Variants in PDE12 observed in about 807,000 individuals in gnomAD.
PDE12 encodes the protein phosphodiesterase 12.
PDE12 carries 26 observed loss-of-function variants against 45.4 expected under a neutral mutation model. That is an observed-to-expected ratio of 0.57 (90% CI 0.42 to 0.79). The LOEUF is 0.79. PDE12 is among the 30% of genes least tolerant of loss of function. The pLI is 0.00. For missense variants in PDE12, 668 were observed against 790.0 expected (o/e 0.85, Z 1.85); for synonymous variants, 283 against 323.9 (o/e 0.87, Z 1.36).
chr3:57,588,561 A>G, the PDE12 span, among the ~76,000 whole-genome samples: 1 of 150,004 alleles, frequency 6.7e-6, no homozygotes, highest in Non-Finnish European at 1.5e-5. Flanking sequence ...TACAAAAATT[A>G]GCCAGGTGTG....
In PDE12 at chr3:57,557,163, C is replaced by A. The variant is rs770467290; in HGVS notation, c.784C>A (p.Arg262=). The A allele has an allele frequency of 6.2e-7, 1 of 1,614,004 alleles. No individual in the cohort carries two copies. The highest frequency in any genetic ancestry group is 1.7e-5 in the Admixed American group (1 of 60,004). Residue 262 remains arginine, a synonymous_variant, in exon 1 of 3, where the codon CGG becomes AGG. Transcript: ENST00000311180. ...CGATGGGCAGCGCTTTGGGCACAGC[C>A]GGGAGTTGGAAAGTGTGTGTGTGGT... ...PGDGQRFGHS[R]ELESVCVVEA...
chr3:57,560,178 TTC>T lies in PDE12; in HGVS notation c.*178_*179del, dbSNP rs1297729050. On this transcript the variant is annotated 3_prime_UTR_variant, in exon 3 of 3. Transcript: ENST00000311180. The stretch of plus-strand genomic sequence containing the variant: ...ACTGTTGATGTTTGCATCATACATC[TTC>T]TCTTTCCTTGTTTTCCTCTACAATT... 28 of 1,328,320 alleles carry T rather than the reference TTC, an allele frequency of 2.1e-5. No individual in the cohort carries two copies. The African/African-American group carries it at 3.9e-4, about 18-fold the overall frequency. 82.3% of individuals were successfully genotyped at this position (1,328,320 alleles called of 1,614,324 possible). A position where few individuals can be genotyped will look rare whatever the true frequency, so the allele number is the denominator to read the frequency against.
chr3:57,571,079 G>A (rs960640183), downstream of PDE12, among the ~76,000 whole-genome samples: 1 of 151,780 alleles, frequency 6.6e-6, no homozygotes, highest in Non-Finnish European at 1.5e-5. Flanking sequence ...CTATTCTCAA[G>A]TGACCCTCCT....
At chr3:57,614,689 C>T in the PDE12 span, among the ~76,000 whole-genome samples, 4 of 150,962 alleles carry the variant, frequency 2.6e-5, no homozygotes, top group Middle Eastern at 3.4e-3. Flanking sequence ...GACTTACAGG[C>T]GCCTGCCAAC....
At chr3:57,606,463 T>C in the PDE12 span, among the ~76,000 whole-genome samples, 3 of 152,240 alleles carry the variant, frequency 2.0e-5, no homozygotes, top group East Asian at 5.8e-4. Flanking sequence ...AGTAAACCTA[T>C]ACTACCAGAA....
chr3:57,624,213 C>T, the PDE12 span, among the ~76,000 whole-genome samples: 8 of 151,262 alleles, frequency 5.3e-5, no homozygotes, highest in African/African-American at 7.3e-5. Flanking sequence ...TGCAGTGGGG[C>T]GATCTCGGCT....
At chr3:57,609,452 GT>G in the PDE12 span, among the ~76,000 whole-genome samples, 1 of 152,020 alleles carries the variant, frequency 6.6e-6, no homozygotes, top group African/African-American at 2.4e-5. Flanking sequence ...TCCAGGAGCT[GT>G]TTTTTTGAAA....
rs2069724320 is a variant in PDE12, at chr3:57,561,191, A to G, written c.*1187A>G. On this transcript the variant is annotated 3_prime_UTR_variant, in exon 3 of 3. Coordinates refer to ENST00000311180, the MANE Select transcript of PDE12 (RefSeq NM_177966.7). ...ATAAATGAACAGGGTATTTGACCAT[A>G]TGATATTAGAAAATACAGCACATTA... 1 of 983,976 alleles carries G rather than the reference A, an allele frequency of 1.0e-6. No individual in the cohort carries two copies. Among genetic ancestry groups the G allele is most frequent in the Admixed American group, 6.2e-5 (1 of 16,250 alleles). 61.0% of individuals were successfully genotyped at this position (983,976 alleles called of 1,614,324 possible). A position where few individuals can be genotyped will look rare whatever the true frequency, so the allele number is the denominator to read the frequency against.
chr3:57,583,857 AC>A, the PDE12 span: 1 of 1,383,658 alleles, frequency 7.2e-7, no homozygotes, highest in Admixed American at 1.9e-5. Flanking sequence ...AGAGCATGAA[AC>A]CCACAAAGAA....
the PDE12 span, among the ~76,000 whole-genome samples, chr3:57,640,643 A>G: frequency 1.3e-5 from 2 of 152,206 alleles, no homozygotes; most frequent in Non-Finnish European, 2.9e-5. Flanking sequence ...CAACTATTTC[A>G]GTGGAAAATT....
chr3:57,646,492 A>G, the PDE12 span: 2 of 1,543,992 alleles, frequency 1.3e-6, no homozygotes. Context: ...TCCTGTTTTT[A>G]AAATTCCTAC....
At chr3:57,656,137 G>C in the PDE12 span, among the ~76,000 whole-genome samples, 1 of 152,092 alleles carries the variant, frequency 6.6e-6, no homozygotes, top group Non-Finnish European at 1.5e-5. Context: ...CAAAGATCTA[G>C]AATAGTTCCA....
At chr3:57,580,438 G>A in the PDE12 span, among the ~76,000 whole-genome samples, 3 of 151,574 alleles carry the variant, frequency 2.0e-5, no homozygotes, top group Admixed American at 2.0e-4. Flanking sequence ...GTCTCCTTTT[G>A]TCCCCCAGGC....
rs763381104 is a variant in PDE12, at chr3:57,557,086, C to G, written c.707C>G (p.Thr236Ser). The change falls in exon 1 of 3, where the codon ACC becomes AGC. Residue 236 changes from threonine to serine, a missense_variant. Thr to Ser is a moderately conservative substitution (Grantham distance 58). Transcript: ENST00000311180. ...ACTGATGTGGAGGAGCGTGTCTACA[C>G]CCCGTCCAATGCCGACATCGGGCTA... The part of the protein sequence containing the change: ...TETDVEERVY[T>S]PSNADIGLRL... The G allele has an allele frequency of 6.2e-7, 1 of 1,613,942 alleles. No individual in the cohort carries two copies. The highest frequency in any genetic ancestry group is 8.5e-7 in the Non-Finnish European group (1 of 1,180,038).
chr3:57,590,430 G>A, the PDE12 span, among the ~76,000 whole-genome samples: 3 of 152,052 alleles, frequency 2.0e-5, no homozygotes, highest in African/African-American at 4.8e-5. Flanking sequence ...AGTCTGTAGT[G>A]AGCCGAGATT....
chr3:57,628,965 T>G, the PDE12 span: 1 of 1,267,502 alleles, frequency 7.9e-7, no homozygotes, highest in South Asian at 1.4e-5. Context: ...AAGGCTACTG[T>G]GAAGGAAAGA....
chr3:57,637,703 A>G, the PDE12 span, among the ~76,000 whole-genome samples: 2 of 151,478 alleles, frequency 1.3e-5, no homozygotes, highest in African/African-American at 2.4e-5. Flanking sequence ...TAAAAGATAT[A>G]TGAGATTTCA....
the PDE12 span, among the ~76,000 whole-genome samples, chr3:57,651,972 G>C: frequency 6.6e-6 from 1 of 152,150 alleles, no homozygotes; most frequent in Non-Finnish European, 1.5e-5. Flanking sequence ...ACCTAGGTGG[G>C]AGGATCACTT....
At chr3:57,609,120 T>G in the PDE12 span, among the ~76,000 whole-genome samples, 1 of 152,152 alleles carries the variant, frequency 6.6e-6, no homozygotes, top group Non-Finnish European at 1.5e-5. Context: ...CTGAACAACC[T>G]GCTCCTGAAT....
Sources: gnomAD v4.1 joint callset for allele counts (sites outside exome capture counted in the v4.1 genomes callset) on GRCh38, gnomAD v4.1.1 for gene constraint, MANE v1.5 for transcripts, NCBI Gene and HGNC (gene_info 2026-07-23, HGNC 2026-07-21) for gene names.